The following PCDH11X variants were observed in gnomAD, a reference collection of about 807,000 sequenced individuals.
PCDH11X encodes the protein protocadherin 11 X-linked.
Under a neutral mutation model 53.3 loss-of-function variants are expected in PCDH11X, and 18 were observed. That is an observed-to-expected ratio of 0.34 (90% CI 0.23 to 0.50). PCDH11X has a LOEUF of 0.50. Among genes scored for constraint, PCDH11X ranks in the 20% least tolerant of loss-of-function variants. The pLI is 0.98. For missense variants in PCDH11X, 570 were observed against 1,032.4 expected (o/e 0.55, Z 6.14); for synonymous variants, 279 against 393.3 (o/e 0.71, Z 3.44).
At chrX:92,412,933 T>C (rs1395832934) in intron 9 of PCDH11X, among the ~76,000 whole-genome samples, 2 of 107,888 alleles carry the variant, frequency 1.9e-5, no homozygotes, top group East Asian at 6.0e-4. Flanking sequence ...TAGGTCTATT[T>C]CTCCTAAGAA....
intron 10 of PCDH11X, among the ~76,000 whole-genome samples, chrX:92,475,833 G>A (rs2148668409): frequency 9.0e-6 from 1 of 111,358 alleles, no homozygotes; most frequent in Non-Finnish European, 1.9e-5. Flanking sequence ...GCTCTTTTGA[G>A]GCTGTTATCT....
intron 8 of PCDH11X, among the ~76,000 whole-genome samples, chrX:92,357,236 G>T: frequency 9.0e-6 from 1 of 111,405 alleles, no homozygotes; most frequent in Non-Finnish European, 1.9e-5. Flanking sequence ...TAAAGCAGAT[G>T]AATGTGGTCA....
At chrX:92,002,913 C>A (rs935892885) in intron 6 of PCDH11X, among the ~76,000 whole-genome samples, 10 of 102,164 alleles carry the variant, frequency 9.8e-5, no homozygotes, top group Non-Finnish European at 1.6e-4. Context: ...CCAGCTGGAA[C>A]TTCCAGTGCT....
chrX:91,782,585 G>A (rs1262812977), intron 1 of PCDH11X, among the ~76,000 whole-genome samples: 2 of 108,151 alleles, frequency 1.8e-5, no homozygotes, highest in Non-Finnish European at 3.8e-5. Context: ...CCACAAAATT[G>A]TGAGGTGGGG....
intron 8 of PCDH11X, among the ~76,000 whole-genome samples, chrX:92,350,075 G>A (rs762129316): frequency 3.9e-4 from 43 of 110,912 alleles, no homozygotes; most frequent in Admixed American, 1.7e-3. Flanking sequence ...ATACACTGAA[G>A]TTGTGATTGC....
intron 6 of PCDH11X, among the ~76,000 whole-genome samples, chrX:91,970,995 A>T (rs1177859354): frequency 1.8e-5 from 2 of 111,431 alleles, no homozygotes; most frequent in Non-Finnish European, 3.8e-5. Context: ...TAACTTTAAA[A>T]TACATAGAAA....
chrX:92,338,957 T>G (rs757383337), intron 8 of PCDH11X, among the ~76,000 whole-genome samples: 1 of 111,363 alleles, frequency 9.0e-6, no homozygotes, highest in South Asian at 3.8e-4. Flanking sequence ...GCCTGAGTAG[T>G]CAAAGCCATT....
At chrX:92,384,663 G>A (rs1399085784) in intron 8 of PCDH11X, among the ~76,000 whole-genome samples, 11 of 99,308 alleles carry the variant, frequency 1.1e-4, no homozygotes, top group African/African-American at 4.1e-4. Context: ...CTTGGGCTGA[G>A]TTAGTTCCTG....
At chrX:92,242,771 GTAT>G (rs778649975) in intron 7 of PCDH11X, among the ~76,000 whole-genome samples, 1 of 110,053 alleles carries the variant, frequency 9.1e-6, no homozygotes, top group Non-Finnish European at 1.9e-5. Flanking sequence ...GCATTTGGTG[GTAT>G]TATTATTATT....
At chrX:92,094,496 G>C (rs762368790) in intron 6 of PCDH11X, among the ~76,000 whole-genome samples, 2 of 110,838 alleles carry the variant, frequency 1.8e-5, no homozygotes, top group African/African-American at 3.3e-5. Context: ...AGGATATACA[G>C]GTATATATGA....
chrX:92,123,046 G>A (rs1470685787), intron 6 of PCDH11X, among the ~76,000 whole-genome samples: 1 of 111,163 alleles, frequency 9.0e-6, no homozygotes, highest in African/African-American at 3.3e-5. Flanking sequence ...CTTTAACTAC[G>A]GCAACTATGG....
chrX:92,246,654 A>G (rs1044743014), intron 7 of PCDH11X, among the ~76,000 whole-genome samples: 1 of 111,807 alleles, frequency 8.9e-6, no homozygotes, highest in Non-Finnish European at 1.9e-5. Flanking sequence ...CCCGACCTGA[A>G]AAGAGTTTTA....
chrX:92,007,940 T>A (rs2062628442), intron 6 of PCDH11X, among the ~76,000 whole-genome samples: 1 of 110,539 alleles, frequency 9.0e-6, no homozygotes, highest in Admixed American at 9.7e-5. Context: ...AGAAATGTCA[T>A]CTGGAAGCTA....
intron 4 of PCDH11X, among the ~76,000 whole-genome samples, chrX:91,813,481 G>A (rs1242348147): frequency 9.7e-6 from 1 of 103,045 alleles, no homozygotes; most frequent in Non-Finnish European, 1.9e-5. Context: ...AAAATATTAT[G>A]GCTAGAGAGT....
intron 8 of PCDH11X, among the ~76,000 whole-genome samples, chrX:92,324,472 A>G (rs1488846834): frequency 2.7e-5 from 3 of 111,827 alleles, no homozygotes; most frequent in Non-Finnish European, 5.6e-5. Context: ...AGCAATCTGT[A>G]GAGTTATTGA....
chrX:92,126,542 G>T (rs1234926079), intron 6 of PCDH11X, among the ~76,000 whole-genome samples: 1 of 110,707 alleles, frequency 9.0e-6, no homozygotes, highest in African/African-American at 3.3e-5. Context: ...CTGGGAAGCA[G>T]AGGTTGCAGT....
intron 8 of PCDH11X, among the ~76,000 whole-genome samples, chrX:92,302,648 G>A (rs866343585): frequency 1.9e-4 from 21 of 109,981 alleles, no homozygotes; most frequent in Middle Eastern, 4.7e-3. Context: ...GGGCTTGTAT[G>A]TCACACTGGG....
chrX:92,518,881 C>T (rs1338301921), intron 10 of PCDH11X, among the ~76,000 whole-genome samples: 12 of 106,579 alleles, frequency 1.1e-4, no homozygotes, highest in South Asian at 4.3e-4. Context: ...CTCAGCCTCC[C>T]GAGTAGCTGG....
chrX:92,221,713 GTTAAAA>G (rs1490567574), intron 7 of PCDH11X, among the ~76,000 whole-genome samples: 9 of 111,828 alleles, frequency 8.0e-5, no homozygotes, highest in Admixed American at 7.6e-4. Context: ...GTAATCTAGA[GTTAAAA>G]TTAAAAATAA....
Sources: allele counts gnomAD v4.1 joint callset (sites outside exome capture counted in the v4.1 genomes callset), GRCh38; gene constraint gnomAD v4.1.1; transcripts MANE v1.5; gene names NCBI Gene and HGNC (gene_info 2026-07-23, HGNC 2026-07-21).